WDR70: variants seen among roughly 807,000 people sequenced by gnomAD.
WDR70 encodes the protein WD repeat domain 70, also known as WD repeat-containing protein 70.
In WDR70, 53 loss-of-function variants were observed where a neutral mutation model predicts 88.6. That is an observed-to-expected ratio of 0.60 (90% confidence interval 0.48 to 0.75). WDR70 has a LOEUF of 0.75. WDR70 is among the 30% of genes least tolerant of loss of function. The pLI is 0.00. For missense variants in WDR70, 610 were observed against 823.2 expected (o/e 0.74, Z 3.17); for synonymous variants, 280 against 270.0 (o/e 1.04, Z -0.36).
intron 9 of WDR70, among the ~76,000 whole-genome samples, chr5:37,603,861 T>G (rs571401236): frequency 5.3e-5 from 8 of 152,318 alleles, no homozygotes; most frequent in South Asian, 2.1e-4. Context: ...CTTTAGCATA[T>G]CAAATTCTCT....
At chr5:37,445,015 G>A (rs1425566633) in intron 7 of WDR70, among the ~76,000 whole-genome samples, 1 of 152,128 alleles carries the variant, frequency 6.6e-6, no homozygotes, top group Non-Finnish European at 1.5e-5. Context: ...CGTGCACCTG[G>A]TTCCTAACAG....
intron 9 of WDR70, among the ~76,000 whole-genome samples, chr5:37,553,699 A>G (rs1742212490): frequency 6.6e-6 from 1 of 152,186 alleles, no homozygotes. Flanking sequence ...GATTTTGAAA[A>G]CATTCTATAT....
At chr5:37,497,256 C>T (rs1005204136) in intron 8 of WDR70, among the ~76,000 whole-genome samples, 4 of 142,260 alleles carry the variant, frequency 2.8e-5, no homozygotes, top group Non-Finnish European at 6.1e-5. Flanking sequence ...CTTTTCCCTT[C>T]CTCCCTTCCT....
chr5:37,505,781 A>G, intron 8 of WDR70: 1 of 1,412,938 alleles, frequency 7.1e-7, no homozygotes, highest in Non-Finnish European at 1.0e-6. Context: ...CTTCTTGAAG[A>G]TCACACCCAG....
At chr5:37,411,509 T>C (rs767988379) in intron 5 of WDR70, among the ~76,000 whole-genome samples, 3 of 152,190 alleles carry the variant, frequency 2.0e-5, no homozygotes, top group Non-Finnish European at 4.4e-5. Context: ...GTGGATCAGT[T>C]GAGGTCATGA....
chr5:37,719,963 C>T (rs961275720), intron 13 of WDR70, among the ~76,000 whole-genome samples: 13 of 151,936 alleles, frequency 8.6e-5, no homozygotes, highest in Admixed American at 2.0e-4. Flanking sequence ...CTGCCTCAGC[C>T]TCCTGAGTAG....
intron 8 of WDR70, among the ~76,000 whole-genome samples, chr5:37,483,931 C>T (rs1390159190): frequency 2.0e-5 from 3 of 150,964 alleles, no homozygotes; most frequent in Non-Finnish European, 4.4e-5. Context: ...CGCGGCCGGG[C>T]AGAGGCGCTC....
intron 13 of WDR70, among the ~76,000 whole-genome samples, chr5:37,720,206 A>G (rs919927967): frequency 6.6e-6 from 1 of 152,128 alleles, no homozygotes; most frequent in Non-Finnish European, 1.5e-5. Context: ...TTTAGTCCCT[A>G]TATATAGTTT....
At chr5:37,413,044 T>A (rs1365256079) in intron 5 of WDR70, among the ~76,000 whole-genome samples, 1 of 152,210 alleles carries the variant, frequency 6.6e-6, no homozygotes, top group East Asian at 1.9e-4. Context: ...AAAACTTAAC[T>A]ATTTTAACTT....
At chr5:37,647,248 G>A (rs1362304915) in intron 10 of WDR70, among the ~76,000 whole-genome samples, 1 of 152,094 alleles carries the variant, frequency 6.6e-6, no homozygotes, top group Admixed American at 6.5e-5. Context: ...TTAAATTTAT[G>A]TGATTTAATT....
At chr5:37,511,790 A>G (rs1421815499) in intron 8 of WDR70, among the ~76,000 whole-genome samples, 1 of 152,058 alleles carries the variant, frequency 6.6e-6, no homozygotes, top group Non-Finnish European at 1.5e-5. Context: ...GCTAAACCTT[A>G]CTCCAGTTGT....
intron 8 of WDR70, among the ~76,000 whole-genome samples, chr5:37,510,084 C>A (rs978684964): frequency 2.0e-5 from 3 of 150,590 alleles, no homozygotes; most frequent in Admixed American, 6.6e-5. Flanking sequence ...CACTCCCCCC[C>A]CCAAAAAAAA....
chr5:37,676,620 G>C lies in WDR70; in HGVS notation c.1093-21035G>C, dbSNP rs1374928834. 5.9e-5 allele frequency among the ~76,000 whole-genome samples: 9 copies of C among 152,116 alleles called. No individual in the cohort carries two copies. In the East Asian group the frequency reaches 1.7e-3, roughly 29 times the overall value. ...TCGTGGATAAGCTTTTTGATGTGCT[G>C]CTGGATTCGGTTTGCCAGTATTTTA... On this transcript the variant is annotated intron_variant, in intron 10 of 17. Coordinates refer to ENST00000265107, the MANE Select transcript of WDR70 (RefSeq NM_018034.4).
intron 10 of WDR70, among the ~76,000 whole-genome samples, chr5:37,616,095 G>T (rs1581437942): frequency 6.6e-6 from 1 of 152,038 alleles, no homozygotes; most frequent in Admixed American, 6.6e-5. Flanking sequence ...CAACCTTTGA[G>T]TATCTTCCAT....
At chr5:37,447,063 A>G (rs1431107683) in intron 7 of WDR70, among the ~76,000 whole-genome samples, 1 of 152,166 alleles carries the variant, frequency 6.6e-6, no homozygotes, top group African/African-American at 2.4e-5. Flanking sequence ...CTAATATCCA[A>G]AACCTACAAA....
intron 17 of WDR70, among the ~76,000 whole-genome samples, chr5:37,730,272 G>A: frequency 6.6e-6 from 1 of 151,918 alleles, no homozygotes; most frequent in East Asian, 1.9e-4. Flanking sequence ...TGAACTTTGG[G>A]AATACTATTT....
chr5:37,465,573 C>T (rs1288049538), intron 7 of WDR70, among the ~76,000 whole-genome samples: 10 of 151,090 alleles, frequency 6.6e-5, no homozygotes, highest in South Asian at 2.1e-4. Context: ...CCAGCTAGGA[C>T]GAAAAATTCT....
At chr5:37,726,814 T>C (rs1008600620) in intron 16 of WDR70, 69 bp from the exon 17 acceptor site, 25 of 1,474,096 alleles carry the variant, frequency 1.7e-5, no homozygotes, top group Middle Eastern at 2.5e-4. Context: ...AAGTACAGTG[T>C]ACACAGATAT....
At chr5:37,705,668 T>C (rs960687052) in intron 13 of WDR70, among the ~76,000 whole-genome samples, 2 of 152,074 alleles carry the variant, frequency 1.3e-5, no homozygotes, top group African/African-American at 2.4e-5. Flanking sequence ...TTTCTTGGAA[T>C]GAATAAAAGG....
Sources: allele counts gnomAD v4.1 joint callset (sites outside exome capture counted in the v4.1 genomes callset), GRCh38; gene constraint gnomAD v4.1.1; transcripts MANE v1.5; gene names NCBI Gene and HGNC (gene_info 2026-07-23, HGNC 2026-07-21).